Variants in SHLD1 observed in about 807,000 individuals in gnomAD.
SHLD1 encodes shieldin complex subunit 1, also known as RINN1-REV7-interacting novel NHEJ regulator 3.
In SHLD1, 3 loss-of-function variants were observed where a neutral mutation model predicts 5.5. The observed-to-expected ratio is 0.54, with a 90% CI of 0.25 to 1.40. The LOEUF is 1.40. SHLD1 is among the 40% of genes most tolerant of loss of function. SHLD1 has a pLI of 0.15. For missense variants in SHLD1, 210 were observed against 244.4 expected (o/e 0.86, Z 0.94); for synonymous variants, 92 against 94.3 (o/e 0.98, Z 0.14).
rs1048951648 is a variant in SHLD1 at position 5,863,346 on chromosome 20, C to A, written c.501C>A (p.Thr167=). The A allele has an allele frequency of 6.2e-7, 1 of 1,614,202 alleles. No homozygotes were observed. Among genetic ancestry groups the A allele is most frequent in the Middle Eastern group, 1.6e-4 (1 of 6,062 alleles). The change falls in exon 3 of 3, where the codon ACC becomes ACA. Residue 167 remains threonine (T), a synonymous_variant. Transcript: ENST00000303142. ...TCTTACAGAGGCATTCCAGGGACAC[C>A]CACTTCTACCCACTGGAGGAAGGAA... ...CSVLQRHSRD[T]HFYPLEEGST...
At chr20:5,862,918 G>T in intron 2 of SHLD1, 106 bp from the exon 3 acceptor site, 1 of 992,060 alleles carries the variant, frequency 1.0e-6, no homozygotes, top group Non-Finnish European at 1.5e-6. Flanking sequence ...CAGTTACTCA[G>T]GAACAGTAAG....
intron 1 of SHLD1, among the ~76,000 whole-genome samples, chr20:5,756,386 C>A (rs1192251559): frequency 6.6e-6 from 1 of 152,014 alleles, no homozygotes; most frequent in Non-Finnish European, 1.5e-5. Flanking sequence ...AATATTAAGT[C>A]TTTTGATCCA....
At chr20:5,777,971 C>A (rs972518614) in intron 2 of SHLD1, among the ~76,000 whole-genome samples, 6 of 152,166 alleles carry the variant, frequency 3.9e-5, no homozygotes, top group South Asian at 2.1e-4. Context: ...GTGCACTCTG[C>A]AATTCTGTAG....
intron 2 of SHLD1, among the ~76,000 whole-genome samples, chr20:5,797,061 G>T (rs1004477115): frequency 2.0e-5 from 3 of 152,102 alleles, no homozygotes; most frequent in Non-Finnish European, 4.4e-5. Context: ...CAGAGCTCTG[G>T]ATTCTATCTT....
At chr20:5,827,812 T>C (rs1428803542) in intron 2 of SHLD1, among the ~76,000 whole-genome samples, 1 of 152,240 alleles carries the variant, frequency 6.6e-6, no homozygotes, top group African/African-American at 2.4e-5. Flanking sequence ...TTCATTACAG[T>C]GCGTACTTCA....
At chr20:5,816,810 C>G (rs6085285) in intron 2 of SHLD1, among the ~76,000 whole-genome samples, 1 of 152,226 alleles carries the variant, frequency 6.6e-6, no homozygotes, top group Non-Finnish European at 1.5e-5. Context: ...TAGCTCACAC[C>G]TGTAATCTCA....
At chr20:5,862,916 CA>C in intron 2 of SHLD1, 107 bp from the exon 3 acceptor site, 1 of 977,426 alleles carries the variant, frequency 1.0e-6, no homozygotes, top group Non-Finnish European at 1.5e-6. Context: ...GCCAGTTACT[CA>C]GGAACAGTAA....
Position 5,844,784 on chromosome 20 carries a change from TATA to T in SHLD1, c.179-18239_179-18237del, listed in dbSNP as rs1213060850. 2.4e-4 allele frequency among the ~76,000 whole-genome samples: 25 copies of T among 103,330 alleles called. 1 individual carries two copies. The highest frequency in any genetic ancestry group is 1.3e-3 in the African/African-American group (25 of 19,510). The allele number at this position is 103,330 out of a possible 152,430, so 67.8% of individuals were successfully genotyped here. A position where few individuals can be genotyped will look rare whatever the true frequency, so the allele number is the denominator to read the frequency against. On this transcript the variant is annotated intron_variant, in intron 2 of 2. Transcript: ENST00000303142. ...TGTGTAGTAGACATATATATATATA[TATA>T]TATATATATATATTTTTTTTTTTTT...
At chr20:5,757,039 A>T (rs373880413) in intron 1 of SHLD1, among the ~76,000 whole-genome samples, 3 of 134,866 alleles carry the variant, frequency 2.2e-5, no homozygotes, top group East Asian at 4.4e-4. Context: ...GGTATTAATT[A>T]TGGGTTTTTC....
rs2088188345 is a variant in SHLD1 at position 5,863,299 on chromosome 20, T to C, written c.454T>C (p.Phe152Leu). The C allele has an allele frequency of 4.3e-6, 7 of 1,614,194 alleles. No individual in the cohort carries two copies. The highest frequency in any genetic ancestry group is 5.9e-6 in the Non-Finnish European group (7 of 1,180,030). The change falls in exon 3 of 3, where the codon TTC (phenylalanine) becomes CTC (leucine). Residue 152 changes from phenylalanine (F) to leucine (L), a missense_variant. Transcript: ENST00000303142. Reference sequence around the variant, plus strand: ...CAGTTTTCAAATGGCCCGGGTGATCTTCAACCGGGACGGCTGCTCCGTCTT... The same window carrying C: ...CAGTTTTCAAATGGCCCGGGTGATCCTCAACCGGGACGGCTGCTCCGTCTT... ...LRSFQMARVIFNRDGCSVLQR... is the reference protein window; with the variant it reads ...LRSFQMARVILNRDGCSVLQR...
chr20:5,812,037 A>G (rs73079277), intron 2 of SHLD1, among the ~76,000 whole-genome samples: 2,161 of 151,374 alleles, frequency 0.014, 21 homozygotes, highest in African/African-American at 0.023. Flanking sequence ...ATGTATCTGT[A>G]AGTCCTAGTC....
intron 2 of SHLD1, among the ~76,000 whole-genome samples, chr20:5,856,539 A>G (rs2088087630): frequency 1.3e-5 from 2 of 152,234 alleles, no homozygotes; most frequent in Admixed American, 6.5e-5. Context: ...GCCCAGATCC[A>G]TGGCCCATGG....
At chr20:5,757,071 C>CTTTTTTT (rs753877287) in intron 1 of SHLD1, among the ~76,000 whole-genome samples, 11 of 123,226 alleles carry the variant, frequency 8.9e-5, no homozygotes, top group Non-Finnish European at 1.4e-4. Context: ...TTCTTTCTTT[C>CTTTTTTT]TTTTTTTTTT....
chr20:5,758,983 C>T (rs1984301560), intron 1 of SHLD1, among the ~76,000 whole-genome samples: 1 of 124,554 alleles, frequency 8.0e-6, no homozygotes, highest in South Asian at 2.7e-4. Context: ...GAGATGGAGT[C>T]TCGCACTGCC....
chr20:5,858,271 A>G (rs935925116), intron 2 of SHLD1, among the ~76,000 whole-genome samples: 1 of 152,152 alleles, frequency 6.6e-6, no homozygotes, highest in Non-Finnish European at 1.5e-5. Context: ...CTAAATATCA[A>G]ATCTATTTAG....
chr20:5,779,972 G>GTTTTT lies in SHLD1; in HGVS notation c.178+6948_178+6952dup, dbSNP rs11381238. 9.8e-4 allele frequency among the ~76,000 whole-genome samples: 80 copies of GTTTTT among 81,760 alleles called. 2 individuals are homozygous for GTTTTT. The highest frequency in any genetic ancestry group is 2.7e-3 in the African/African-American group (56 of 20,510). The allele number at this position is 81,760 out of a possible 152,430, so 53.6% of individuals were successfully genotyped here. ...ACTTGGCATAGTTTTTACAATTTCT[G>GTTTTT]TTTTTTTTTTTTTTTTTTTTTTTGG... On this transcript the variant is annotated intron_variant, in intron 2 of 2. Coordinates refer to ENST00000303142, the MANE Select transcript of SHLD1 (RefSeq NM_152504.4).
At chr20:5,831,248 T>C (rs2087725606) in intron 2 of SHLD1, among the ~76,000 whole-genome samples, 1 of 152,222 alleles carries the variant, frequency 6.6e-6, no homozygotes, top group African/African-American at 2.4e-5. Context: ...TACTTCAGCC[T>C]AGCCATGGTC....
At position 5,806,193 on chromosome 20, in the gene SHLD1, T is replaced by A. The variant is rs2087372611; in HGVS notation, c.178+33150T>A. Among the ~76,000 whole-genome samples, 1 of 152,162 alleles carries A rather than the reference T, an allele frequency of 6.6e-6. No homozygotes were observed. The highest frequency in any genetic ancestry group is 6.6e-5 in the Admixed American group (1 of 15,262). Reference sequence around the variant, plus strand: ...TTATAATTTTTTACTTGGCGTTTCTTTATCTGTTTTATGGGGACAATAATA... The same window carrying A: ...TTATAATTTTTTACTTGGCGTTTCTATATCTGTTTTATGGGGACAATAATA... On this transcript the variant is annotated intron_variant, in intron 2 of 2. Coordinates refer to ENST00000303142, the MANE Select transcript of SHLD1 (RefSeq NM_152504.4). This position sits in a 1 kb window ranked among gnomAD's most constrained non-coding sequence, Gnocchi z 7.6.
At chr20:5,795,436 A>G (rs1367532210) in intron 2 of SHLD1, among the ~76,000 whole-genome samples, 1 of 151,748 alleles carries the variant, frequency 6.6e-6, no homozygotes, top group Non-Finnish European at 1.5e-5. Flanking sequence ...CCTCTGTACT[A>G]AAAATACAAA....
Sources: gnomAD v4.1 joint callset for allele counts (sites outside exome capture counted in the v4.1 genomes callset) on GRCh38, gnomAD v4.1.1 for gene constraint, Gnocchi (gnomAD v3.1) non-coding constraint, MANE v1.5 for transcripts, NCBI Gene and HGNC (gene_info 2026-07-23, HGNC 2026-07-21) for gene names.